The following PHF24 variants were observed in gnomAD, a reference collection of about 807,000 sequenced individuals.
PHF24 encodes the protein Galpha inhibitory interacting protein.
In PHF24, 25 loss-of-function variants were observed where a neutral mutation model predicts 42.6. The ratio of observed to expected loss-of-function variants is 0.59; its 90% CI spans 0.43 to 0.82. PHF24 has a LOEUF of 0.82. Among genes scored for constraint, PHF24 ranks in the 40% least tolerant of loss-of-function variants. The probability of loss-of-function intolerance (pLI) is 0.00; values close to 1 mark genes in which losing one functional copy is unlikely to be tolerated. For missense variants in PHF24, 470 were observed against 538.1 expected, an observed-to-expected ratio of 0.87 and a Z score of 1.25; for synonymous variants, 185 against 204.8, an observed-to-expected ratio of 0.90 and a Z score of 0.83.
At chr9:34,884,973 C>T in the PHF24 span, among the ~76,000 whole-genome samples, 1 of 152,188 alleles carries the variant, frequency 6.6e-6, no homozygotes, top group South Asian at 2.1e-4. Context: ...AGGACCTGCT[C>T]CACCCACCCT....
chr9:34,947,752 G>A, the PHF24 span, among the ~76,000 whole-genome samples: 1 of 152,062 alleles, frequency 6.6e-6, no homozygotes, highest in African/African-American at 2.4e-5. Flanking sequence ...AGGCTAATGC[G>A]TGCGTGTTCG....
At chr9:34,831,800 G>A in the PHF24 span, among the ~76,000 whole-genome samples, 1 of 152,114 alleles carries the variant, frequency 6.6e-6, no homozygotes, top group East Asian at 1.9e-4. Flanking sequence ...CAACTGAGAG[G>A]CAGTGGAGGC....
chr9:34,750,664 G>C, the PHF24 span, among the ~76,000 whole-genome samples: 1 of 151,830 alleles, frequency 6.6e-6, no homozygotes, highest in Non-Finnish European at 1.5e-5. Flanking sequence ...TTATTTGCAA[G>C]TCTCATAGTA....
chr9:34,824,861 A>C, the PHF24 span, among the ~76,000 whole-genome samples: 1 of 152,158 alleles, frequency 6.6e-6, no homozygotes, highest in Admixed American at 6.5e-5. Flanking sequence ...TCAGTTTTCT[A>C]TCTCAAACTT....
intron 5 of PHF24, 116 bp from the exon 6 acceptor site, chr9:34,976,967 G>C: frequency 8.2e-7 from 1 of 1,221,892 alleles, no homozygotes; most frequent in Non-Finnish European, 1.1e-6. Flanking sequence ...GCCTCCAGAA[G>C]GGCTCTGGGC....
the PHF24 span, among the ~76,000 whole-genome samples, chr9:34,720,461 A>AG: frequency 1.4e-5 from 2 of 139,492 alleles, no homozygotes; most frequent in African/African-American, 2.6e-5. Context: ...CAAAAAAAAA[A>AG]CAAAACAAAA....
exon 7 of PHF24, chr9:34,977,606 G>C: frequency 1.2e-6 from 2 of 1,607,636 alleles, no homozygotes; most frequent in South Asian, 2.2e-5. Context: ...GCAAGAGTCA[G>C]GACAAGACCC....
chr9:34,784,677 G>A, the PHF24 span, among the ~76,000 whole-genome samples: 2 of 152,152 alleles, frequency 1.3e-5, no homozygotes, highest in African/African-American at 2.4e-5. Context: ...TCTTTAACAG[G>A]TGGCAAAGAA....
the PHF24 span, among the ~76,000 whole-genome samples, chr9:34,721,410 TCTCTCTC>T: frequency 1.3e-5 from 2 of 151,370 alleles, no homozygotes; most frequent in African/African-American, 4.9e-5. Context: ...TCTCTCTCTC[TCTCTCTC>T]TCTCTCTCTC....
At chr9:34,707,087 T>C in the PHF24 span, among the ~76,000 whole-genome samples, 1 of 152,150 alleles carries the variant, frequency 6.6e-6, no homozygotes, top group East Asian at 1.9e-4. Context: ...GATTAGTGTG[T>C]ACATCCAGCC....
chr9:34,758,706 G>C, the PHF24 span, among the ~76,000 whole-genome samples: 11 of 152,092 alleles, frequency 7.2e-5, no homozygotes, highest in Admixed American at 2.0e-4. The surrounding 1 kb of genome is among the most constrained non-coding windows in gnomAD (Gnocchi z 4.4). Flanking sequence ...GGATTGGCGG[G>C]GGATAGGCAG....
the PHF24 span, chr9:34,836,998 C>T: frequency 6.5e-6 from 3 of 460,720 alleles, no homozygotes; most frequent in South Asian, 1.6e-5. Flanking sequence ...CAGTCCTGCC[C>T]CAGGCTAAAT....
At chr9:34,852,449 A>G in the PHF24 span, among the ~76,000 whole-genome samples, 1 of 152,210 alleles carries the variant, frequency 6.6e-6, no homozygotes, top group African/African-American at 2.4e-5. Context: ...AGCAATTCTT[A>G]TAAGATGGGT....
chr9:34,753,283 C>A, the PHF24 span, among the ~76,000 whole-genome samples: 4 of 151,946 alleles, frequency 2.6e-5, no homozygotes, highest in Admixed American at 1.3e-4. Context: ...ACTATTAGAG[C>A]TAATAAACAA....
the PHF24 span, among the ~76,000 whole-genome samples, chr9:34,864,783 G>A: frequency 1.3e-5 from 2 of 152,138 alleles, no homozygotes; most frequent in Non-Finnish European, 2.9e-5. Context: ...CTGCTGTTAA[G>A]TAGAAAGACT....
At chr9:34,722,568 AT>A in the PHF24 span, among the ~76,000 whole-genome samples, 2 of 152,176 alleles carry the variant, frequency 1.3e-5, no homozygotes, top group Admixed American at 6.5e-5. Flanking sequence ...TGTCATGTTC[AT>A]TGATGTGTTT....
the PHF24 span, among the ~76,000 whole-genome samples, chr9:34,708,673 A>C: frequency 6.6e-6 from 1 of 152,198 alleles, no homozygotes; most frequent in Admixed American, 6.5e-5. Flanking sequence ...ATATCTGGGG[A>C]AAGGTCTGAA....
chr9:34,778,206 AG>A, the PHF24 span, among the ~76,000 whole-genome samples: 5 of 152,238 alleles, frequency 3.3e-5, no homozygotes, highest in Non-Finnish European at 7.3e-5. Flanking sequence ...AAGGAGGAAC[AG>A]AAGAATAAGA....
intron 1 of PHF24, among the ~76,000 whole-genome samples, chr9:34,959,072 G>T (rs1324906007): frequency 1.3e-5 from 2 of 152,178 alleles, no homozygotes; most frequent in Non-Finnish European, 2.9e-5. Flanking sequence ...CTCCATGGTA[G>T]CCCAGTTGCT....
Sources: allele counts gnomAD v4.1 joint callset (sites outside exome capture counted in the v4.1 genomes callset), GRCh38; gene constraint gnomAD v4.1.1; non-coding constraint Gnocchi (gnomAD v3.1); transcripts MANE v1.5; gene names NCBI Gene and HGNC (gene_info 2026-07-23, HGNC 2026-07-21).